The following RMP64 variants were observed in gnomAD, a reference collection of about 807,000 sequenced individuals.
RMP64 encodes the protein nucleolus and neural progenitor protein.
At chr3:113,014,486 G>C in the RMP64 span, 1 of 152,744 alleles carries the variant, frequency 6.5e-6, no homozygotes, top group African/African-American at 2.4e-5. Flanking sequence ...CTTCCAAGCA[G>C]CTGGGACTAC....
chr3:113,018,076 T>C, the RMP64 span, among the ~76,000 whole-genome samples: 3 of 152,196 alleles, frequency 2.0e-5, no homozygotes, highest in African/African-American at 7.2e-5. Flanking sequence ...GGATATCACT[T>C]TATGAGAGAC....
chr3:113,013,989 C>A, the RMP64 span: 1 of 1,613,664 alleles, frequency 6.2e-7, no homozygotes, highest in Non-Finnish European at 8.5e-7. Context: ...TTGAATTGAG[C>A]CCTCCAAATT....
chr3:113,010,207 T>C, the RMP64 span, among the ~76,000 whole-genome samples: 1 of 152,158 alleles, frequency 6.6e-6, no homozygotes, highest in Admixed American at 6.5e-5. Flanking sequence ...TACCGAACGC[T>C]TTACATGCAT....
the RMP64 span, chr3:113,009,631 T>C: frequency 6.6e-6 from 1 of 152,214 alleles, no homozygotes; most frequent in Non-Finnish European, 1.5e-5. Flanking sequence ...ACTGCCTGCA[T>C]TCAAATCGCA....
the RMP64 span, among the ~76,000 whole-genome samples, chr3:113,016,712 G>T: frequency 6.6e-6 from 1 of 152,170 alleles, no homozygotes; most frequent in Non-Finnish European, 1.5e-5. Flanking sequence ...GTTAGAGACT[G>T]TGTCTACCTT....
the RMP64 span, chr3:113,013,306 G>C: frequency 6.2e-7 from 1 of 1,614,042 alleles, no homozygotes. Context: ...AACAAGCGGA[G>C]CAACAACTTG....
At chr3:113,010,411 T>C in the RMP64 span, 1 of 503,910 alleles carries the variant, frequency 2.0e-6, no homozygotes, top group Non-Finnish European at 3.5e-6. Context: ...TACTTTAAAA[T>C]TCTAGAGAAA....
the RMP64 span, chr3:113,004,816 C>G: frequency 6.6e-6 from 1 of 152,242 alleles, no homozygotes; most frequent in African/African-American, 2.4e-5. Flanking sequence ...ACCTGTTATC[C>G]TATTATATTT....
At chr3:113,015,767 G>T in the RMP64 span, among the ~76,000 whole-genome samples, 1 of 147,150 alleles carries the variant, frequency 6.8e-6, no homozygotes, top group South Asian at 2.2e-4. Flanking sequence ...GGATCACATG[G>T]AATATAAAAT....
the RMP64 span, chr3:113,008,433 G>A: frequency 6.2e-7 from 1 of 1,603,696 alleles, no homozygotes; most frequent in South Asian, 1.1e-5. Context: ...CTGGTCTCCT[G>A]AAACGTGGAA....
chr3:113,012,572 C>T, the RMP64 span: 4 of 498,228 alleles, frequency 8.0e-6, no homozygotes, highest in South Asian at 3.8e-5. Context: ...CATCAGCACT[C>T]GGCTTCCCAA....
chr3:113,006,121 G>A, the RMP64 span: 5 of 720,232 alleles, frequency 6.9e-6, no homozygotes, highest in Admixed American at 8.7e-5. Context: ...TCCTATGCCT[G>A]TGTACAATCC....
At chr3:113,013,451 GTTTTTTTTTTGT>G in the RMP64 span, 32,749 of 1,259,922 alleles carry the variant, frequency 0.026, 887 homozygotes, top group African/African-American at 0.21. Context: ...AAAAAAAAGG[GTTTTTTTTTTGT>G]TTTTTTTTTT....
the RMP64 span, chr3:113,017,749 G>A: frequency 6.1e-6 from 4 of 656,322 alleles, no homozygotes; most frequent in Non-Finnish European, 9.8e-6. Context: ...AGAACGTAAG[G>A]ATTCTAAGTA....
chr3:113,008,585 T>G, the RMP64 span: 1 of 620,400 alleles, frequency 1.6e-6, no homozygotes, highest in Admixed American at 2.9e-5. Flanking sequence ...ACCCTGTGGT[T>G]ATTATGCACT....
chr3:113,010,519 A>C, the RMP64 span: 41 of 728,440 alleles, frequency 5.6e-5, no homozygotes, highest in Non-Finnish European at 9.3e-5. Flanking sequence ...CACACTGACA[A>C]CTAAGAAGGC....
the RMP64 span, chr3:113,013,938 G>C: frequency 0.014 from 23,011 of 1,590,466 alleles, 212 homozygotes; most frequent in Middle Eastern, 0.023. Flanking sequence ...CAAAGCAACT[G>C]GACCACTTAC....
the RMP64 span, chr3:113,005,982 T>C: frequency 3.1e-6 from 5 of 1,612,588 alleles, no homozygotes; most frequent in Non-Finnish European, 4.2e-6. Flanking sequence ...GACGTTTTTA[T>C]GCACTCTAGT....
the RMP64 span, among the ~76,000 whole-genome samples, chr3:113,015,928 A>C: frequency 6.6e-6 from 1 of 152,098 alleles, no homozygotes; most frequent in African/African-American, 2.4e-5. Context: ...GATTACTATA[A>C]CACAGATTAT....
Sources: allele counts gnomAD v4.1 joint callset (sites outside exome capture counted in the v4.1 genomes callset), GRCh38; gene constraint gnomAD v4.1.1; transcripts MANE v1.5; gene names NCBI Gene and HGNC (gene_info 2026-07-23, HGNC 2026-07-21).